The following COL21A1 variants were observed in gnomAD, a reference collection of about 807,000 sequenced individuals.
COL21A1 encodes the protein collagen alpha-1(XXI) chain.
Under a neutral mutation model 137.9 loss-of-function variants are expected in COL21A1, and 149 were observed. The ratio of observed to expected loss-of-function variants is 1.08; its 90% CI spans 0.95 to 1.24. The LOEUF (loss-of-function observed/expected upper bound fraction) is 1.24. Ranked by LOEUF, COL21A1 falls within the 50% of genes most tolerant of loss-of-function variation. The pLI, the probability that COL21A1 is intolerant of heterozygous loss-of-function variation, is 0.00. For missense variants in COL21A1, 1,167 were observed against 1,158.4 expected (o/e 1.01, Z -0.11); for synonymous variants, 456 against 391.5 (o/e 1.16, Z -1.95).
chr6:56,282,945 C>T (rs1309367850), intron 1 of COL21A1, among the ~76,000 whole-genome samples: 3 of 152,090 alleles, frequency 2.0e-5, no homozygotes, highest in Non-Finnish European at 4.4e-5. Context: ...GTTTTAATGG[C>T]CTTCTCAGCA....
intron 21 of COL21A1, among the ~76,000 whole-genome samples, chr6:56,070,046 T>C (rs1766608864): frequency 6.6e-6 from 1 of 151,516 alleles, no homozygotes; most frequent in Non-Finnish European, 1.5e-5. Flanking sequence ...TTTAAAGTCT[T>C]AAATAAATTA....
At chr6:56,313,155 G>A (rs919321233) in intron 1 of COL21A1, among the ~76,000 whole-genome samples, 11 of 152,086 alleles carry the variant, frequency 7.2e-5, no homozygotes, top group African/African-American at 2.7e-4. Context: ...CAGGGCAAGT[G>A]GAGTGATCTA....
intron 17 of COL21A1, chr6:56,078,254 A>G (rs1002279824): frequency 2.2e-6 from 1 of 455,164 alleles, no homozygotes; most frequent in Non-Finnish European, 4.4e-6. Context: ...TAGCACATTT[A>G]TTGCTTGCAG....
At chr6:56,191,133 G>A (rs903845343) in intron 1 of COL21A1, among the ~76,000 whole-genome samples, 3 of 152,074 alleles carry the variant, frequency 2.0e-5, no homozygotes, top group Admixed American at 1.3e-4. Flanking sequence ...AGAAATACTG[G>A]GTATTCAAAT....
intron 1 of COL21A1, among the ~76,000 whole-genome samples, chr6:56,184,362 A>G (rs901114539): frequency 6.6e-6 from 1 of 152,232 alleles, no homozygotes; most frequent in African/African-American, 2.4e-5. Context: ...TAAACTGAGC[A>G]TTCAATCAGA....
chr6:56,371,153 G>C (rs1363561710), intron 1 of COL21A1, among the ~76,000 whole-genome samples: 1 of 152,166 alleles, frequency 6.6e-6, no homozygotes, highest in Non-Finnish European at 1.5e-5. Context: ...CCAGAGTCTG[G>C]AAGCTTCAAG....
intron 1 of COL21A1, among the ~76,000 whole-genome samples, chr6:56,263,969 A>AACAC (rs57637593): frequency 6.6e-6 from 1 of 150,622 alleles, no homozygotes. Flanking sequence ...CTCATACACA[A>AACAC]ACACACACAC....
At chr6:56,329,806 G>T (rs569446824) in intron 1 of COL21A1, among the ~76,000 whole-genome samples, 1 of 152,182 alleles carries the variant, frequency 6.6e-6, no homozygotes, top group South Asian at 2.1e-4. Flanking sequence ...TCATATATCA[G>T]CATGTGATTC....
intron 1 of COL21A1, among the ~76,000 whole-genome samples, chr6:56,269,762 T>C (rs1486014402): frequency 6.7e-6 from 1 of 150,368 alleles, no homozygotes; most frequent in Non-Finnish European, 1.5e-5. Flanking sequence ...CCAGAAGAGG[T>C]TGAAGGTCTA....
At chr6:56,214,591 T>G (rs980619031) in intron 1 of COL21A1, among the ~76,000 whole-genome samples, 1 of 151,830 alleles carries the variant, frequency 6.6e-6, no homozygotes, top group African/African-American at 2.4e-5. Flanking sequence ...TAGCTTTTAC[T>G]GAATCATGAT....
chr6:56,185,657 G>T (rs1284088866), intron 1 of COL21A1, among the ~76,000 whole-genome samples: 1 of 151,560 alleles, frequency 6.6e-6, no homozygotes, highest in Non-Finnish European at 1.5e-5. Flanking sequence ...GGATGGTCTC[G>T]ATCTCCTGAC....
At chr6:56,072,826 A>C (rs1373047713) in intron 20 of COL21A1, among the ~76,000 whole-genome samples, 1 of 151,628 alleles carries the variant, frequency 6.6e-6, no homozygotes, top group Non-Finnish European at 1.5e-5. Context: ...TTTATTGAAA[A>C]GATTATGTGT....
chr6:56,075,390 A>C, intron 19 of COL21A1, 89 bp downstream of exon 19: 1 of 1,021,480 alleles, frequency 9.8e-7, no homozygotes, highest in African/African-American at 1.7e-5. Flanking sequence ...TATCCCCTAC[A>C]TTTTTATGAA....
upstream of COL21A1, among the ~76,000 whole-genome samples, chr6:56,248,268 G>A (rs1782754340): frequency 6.6e-6 from 1 of 152,150 alleles, no homozygotes; most frequent in Admixed American, 6.5e-5. Flanking sequence ...ACACACACAA[G>A]ACCTGTTTGC....
At position 56,064,574 on chromosome 6, in the gene COL21A1, A is replaced by ACCCCC; in HGVS notation, c.2172+3_2172+4insGGGGG. On this transcript the variant is annotated splice_donor_region_variant and intron_variant, in intron 24 of 29. Coordinates refer to ENST00000244728, the MANE Select transcript of COL21A1 (RefSeq NM_030820.4). ...TTTTTTATCAGAAGAAAACCAAAAA[A>ACCCCC]TACCTGTTGCCCTGGAATTCCCTGT... is the stretch of plus-strand genomic sequence containing the variant. 5 of 1,590,910 alleles carry ACCCCC rather than the reference A, an allele frequency of 3.1e-6. No individual in the cohort carries two copies. Among genetic ancestry groups the ACCCCC allele is most frequent in the Non-Finnish European group, 4.3e-6 (5 of 1,166,038 alleles).
At chr6:56,304,006 T>C (rs1193273803) in intron 1 of COL21A1, among the ~76,000 whole-genome samples, 1 of 152,222 alleles carries the variant, frequency 6.6e-6, no homozygotes, top group Non-Finnish European at 1.5e-5. Context: ...GTTTTTGTCG[T>C]TGGTTCTGTT....
In COL21A1 at chr6:56,097,125, T is replaced by G. The variant is rs1308630015; in HGVS notation, c.1812+4347A>C. On this transcript the variant is annotated intron_variant, in intron 17 of 29. Coordinates refer to ENST00000244728, the MANE Select transcript of COL21A1 (RefSeq NM_030820.4). Reference sequence around the variant, plus strand: ...TTGAGACACTTAACCTATGAATTGCTTTCCTAACAGGATGCATTTCCTGGC... The same window carrying G: ...TTGAGACACTTAACCTATGAATTGCGTTCCTAACAGGATGCATTTCCTGGC... Among the ~76,000 whole-genome samples, 5 of 152,204 alleles carry G rather than the reference T, an allele frequency of 3.3e-5. No homozygotes were observed. The East Asian group carries it at 9.6e-4, about 29-fold the overall frequency.
intron 1 of COL21A1, among the ~76,000 whole-genome samples, chr6:56,382,822 T>C (rs1022432871): frequency 3.9e-5 from 6 of 152,122 alleles, no homozygotes; most frequent in Admixed American, 3.9e-4. Context: ...ACACCACCCA[T>C]CCTATGGTAT....
chr6:56,159,941 C>G (rs759928010), intron 9 of COL21A1, among the ~76,000 whole-genome samples: 45 of 151,890 alleles, frequency 3.0e-4, no homozygotes, highest in Non-Finnish European at 8.8e-5. Flanking sequence ...AAAAAATTAC[C>G]CACAAGATAA....
Sources: allele counts gnomAD v4.1 joint callset (sites outside exome capture counted in the v4.1 genomes callset), GRCh38; gene constraint gnomAD v4.1.1; transcripts MANE v1.5; gene names NCBI Gene and HGNC (gene_info 2026-07-23, HGNC 2026-07-21).